The following ENPP1 variants were observed in gnomAD, a reference collection of about 807,000 sequenced individuals.
ENPP1 encodes the protein ectonucleotide pyrophosphatase/phosphodiesterase family member 1.
A neutral mutation model predicts 122.8 loss-of-function variants in ENPP1; 73 were observed. The ratio of observed to expected loss-of-function variants is 0.59; its 90% CI spans 0.49 to 0.72. ENPP1 has a LOEUF of 0.72. ENPP1 is among the 30% of genes least tolerant of loss of function. ENPP1 has a pLI of 0.00. For missense variants in ENPP1, 978 were observed against 1,128.1 expected (o/e 0.87, Z 1.91); for synonymous variants, 367 against 391.6 (o/e 0.94, Z 0.74).
chr6:131,822,583 A>T (rs7761491), intron 1 of ENPP1, among the ~76,000 whole-genome samples: 130,876 of 150,110 alleles, frequency 0.87, 57,101 homozygotes, highest in East Asian at 1. Context: ...TATCACTTTT[A>T]AAAAAAAAAA....
chr6:131,856,456 G>A (rs1781946916), intron 6 of ENPP1, among the ~76,000 whole-genome samples: 1 of 149,670 alleles, frequency 6.7e-6, no homozygotes, highest in South Asian at 2.1e-4. Context: ...TCACTCTGAT[G>A]GTAGTTTCTT....
At chr6:131,809,862 T>G (rs1211584435) in intron 1 of ENPP1, among the ~76,000 whole-genome samples, 1 of 152,244 alleles carries the variant, frequency 6.6e-6, no homozygotes, top group Non-Finnish European at 1.5e-5. Flanking sequence ...CTTTGAGACC[T>G]GCAGTCAACT....
chr6:131,884,278 T>C (rs2114729065), intron 22 of ENPP1, among the ~76,000 whole-genome samples: 3 of 152,364 alleles, frequency 2.0e-5, no homozygotes, highest in Middle Eastern at 3.4e-3. Context: ...TCAAAGTTAA[T>C]ATTCAGATAT....
intron 22 of ENPP1, among the ~76,000 whole-genome samples, chr6:131,884,399 A>T (rs760735199): frequency 6.6e-6 from 1 of 152,196 alleles, no homozygotes; most frequent in Non-Finnish European, 1.5e-5. Context: ...GATGTCTCAA[A>T]GAGAGTTGGG....
intron 1 of ENPP1, among the ~76,000 whole-genome samples, chr6:131,846,814 G>T (rs574344236): frequency 6.6e-6 from 1 of 152,294 alleles, no homozygotes; most frequent in Admixed American, 6.5e-5. Context: ...AAAAAAAATT[G>T]AGGATTGTTT....
intron 1 of ENPP1, among the ~76,000 whole-genome samples, chr6:131,834,291 A>G (rs914409600): frequency 2.0e-5 from 3 of 152,186 alleles, no homozygotes; most frequent in Admixed American, 1.3e-4. Flanking sequence ...TGAGCATGAC[A>G]GAAGAGGAGA....
Position 131,808,234 on chromosome 6 carries a change from C to G in ENPP1, c.199C>G (p.Arg67Gly), listed in dbSNP as rs1017385280. 63 of 1,516,966 alleles carry G rather than the reference C, an allele frequency of 4.2e-5. No homozygotes were observed. The highest frequency in any genetic ancestry group is 2.3e-4 in the Middle Eastern group (1 of 4,308). The allele number at this position is 1,516,966 out of a possible 1,614,324, so 94.0% of individuals were successfully genotyped here. Residue 67 changes from arginine (R) to glycine (G), a missense_variant, in exon 1 of 25, where the codon CGC (arginine) becomes GGC (glycine). Coordinates refer to ENST00000647893, the MANE Select transcript of ENPP1 (RefSeq NM_006208.3). The part of the protein sequence containing the change: ...EEPLEKAARA[R>G]TAKDPNTYKV... The stretch of plus-strand genomic sequence containing the variant: ...GCCGCTGGAGAAGGCGGCGCGCGCC[C>G]GCACTGCCAAGGACCCCAACACCTA...
chr6:131,842,171 G>A (rs1781748219), intron 1 of ENPP1, among the ~76,000 whole-genome samples: 2 of 152,146 alleles, frequency 1.3e-5, no homozygotes, highest in Admixed American at 1.3e-4. Context: ...ATCGTAATCT[G>A]TCTTGTGATG....
intron 1 of ENPP1, among the ~76,000 whole-genome samples, chr6:131,831,114 C>CAAAAAAAAAAAAAAAAA (rs3036850): frequency 5.0e-5 from 3 of 60,016 alleles, no homozygotes; most frequent in African/African-American, 6.5e-5. Context: ...GCCCATCTCT[C>CAAAAAAAAAAAAAAAAA]AAAAAAAAAA....
At chr6:131,877,205 AG>A in intron 18 of ENPP1, 44 bp downstream of exon 18, 1 of 1,569,228 alleles carries the variant, frequency 6.4e-7, no homozygotes, top group Non-Finnish European at 8.7e-7. Flanking sequence ...ATGGTTTGAT[AG>A]CACCCTCTGC....
intron 11 of ENPP1, among the ~76,000 whole-genome samples, chr6:131,865,361 A>G (rs1169158463): frequency 1.3e-5 from 2 of 152,210 alleles, no homozygotes; most frequent in Non-Finnish European, 2.9e-5. Flanking sequence ...ACCTGAGACC[A>G]TGCTTACAAC....
intron 1 of ENPP1, among the ~76,000 whole-genome samples, chr6:131,845,732 G>A (rs1046735475): frequency 2.0e-4 from 30 of 152,056 alleles, no homozygotes; most frequent in Non-Finnish European, 4.3e-4. Flanking sequence ...GTGCCTGGCC[G>A]TTTGTGATGT....
intron 1 of ENPP1, among the ~76,000 whole-genome samples, chr6:131,817,198 C>T (rs9493105): frequency 0.092 from 14,070 of 152,130 alleles, 771 homozygotes; most frequent in South Asian, 0.21. Flanking sequence ...AGATTTTTAT[C>T]ACGGACTAAT....
rs1166592236 is a variant in ENPP1, at chr6:131,877,096, C to T, written c.1828C>T (p.Pro610Ser). 6.2e-7 allele frequency: 1 copy of T among 1,613,970 alleles called. No homozygotes were observed. Among genetic ancestry groups the T allele is most frequent in the Non-Finnish European group, 8.5e-7 (1 of 1,179,984 alleles). ...YTPKHPKEVH[P>S]LVQCPFTRNP... Reference sequence around the variant, plus strand: ...GCCAAAGCATCCCAAAGAAGTGCACCCCCTGGTACAGTGCCCCTTCACAAG... The same window carrying T: ...GCCAAAGCATCCCAAAGAAGTGCACTCCCTGGTACAGTGCCCCTTCACAAG... Residue 610 changes from proline (P) to serine (S), a missense_variant, in exon 18 of 25, where the codon CCC becomes TCC. Physicochemically the swap from Pro to Ser is moderately conservative, Grantham distance 74. Transcript: ENST00000647893.
intron 1 of ENPP1, among the ~76,000 whole-genome samples, chr6:131,835,380 TAAAA>T (rs1251947499): frequency 1.3e-5 from 2 of 152,198 alleles, no homozygotes; most frequent in African/African-American, 4.8e-5. Context: ...GATAATTAAT[TAAAA>T]AGAGGAATGA....
At chr6:131,830,532 C>CTTT in intron 1 of ENPP1, among the ~76,000 whole-genome samples, 1 of 152,256 alleles carries the variant, frequency 6.6e-6, no homozygotes, top group African/African-American at 2.4e-5. Context: ...GCACTGTCTG[C>CTTT]ACATTGTTGA....
intron 1 of ENPP1, among the ~76,000 whole-genome samples, chr6:131,829,988 C>A (rs1781590718): frequency 6.6e-6 from 1 of 152,172 alleles, no homozygotes; most frequent in African/African-American, 2.4e-5. Context: ...AGTTACTTCT[C>A]TGAGTTGGCG....
At chr6:131,889,888 C>T (rs995424177) in intron 24 of ENPP1, among the ~76,000 whole-genome samples, 1 of 152,184 alleles carries the variant, frequency 6.6e-6, no homozygotes, top group African/African-American at 2.4e-5. Flanking sequence ...AGTGGTTGCA[C>T]TAATTTACAC....
At chr6:131,841,729 A>T (rs1781742931) in intron 1 of ENPP1, among the ~76,000 whole-genome samples, 2 of 152,222 alleles carry the variant, frequency 1.3e-5, no homozygotes, top group African/African-American at 4.8e-5. Flanking sequence ...GGGAACTCAC[A>T]GTCTAGTCAG....
Sources: gnomAD v4.1 joint callset for allele counts (sites outside exome capture counted in the v4.1 genomes callset) on GRCh38, gnomAD v4.1.1 for gene constraint, MANE v1.5 for transcripts, NCBI Gene and HGNC (gene_info 2026-07-23, HGNC 2026-07-21) for gene names.